LRRTM3: variants seen among roughly 807,000 people sequenced by gnomAD.
The protein encoded by LRRTM3 is leucine rich repeat transmembrane neuronal 3, also known as leucine-rich repeat transmembrane neuronal protein 3.
LRRTM3 carries 24 observed loss-of-function variants against 44.7 expected under a neutral mutation model. The ratio of observed to expected loss-of-function variants is 0.54; its 90% CI spans 0.39 to 0.76. The LOEUF (loss-of-function observed/expected upper bound fraction) is 0.76. LRRTM3 is among the 30% of genes least tolerant of loss of function. The probability of loss-of-function intolerance (pLI) is 0.00; values close to 1 mark genes in which losing one functional copy is unlikely to be tolerated. For missense variants in LRRTM3, 587 were observed against 702.2 expected (o/e 0.84, Z 1.85); for synonymous variants, 277 against 278.7 (o/e 0.99, Z 0.06).
intron 2 of LRRTM3, among the ~76,000 whole-genome samples, chr10:66,941,520 T>C (rs558230475): frequency 1.3e-5 from 2 of 152,242 alleles, no homozygotes; most frequent in East Asian, 1.9e-4. Flanking sequence ...TTCAACTGTA[T>C]GGAATTTGAA....
intron 2 of LRRTM3, among the ~76,000 whole-genome samples, chr10:67,009,290 G>A (rs1030036044): frequency 2.0e-5 from 3 of 151,248 alleles, no homozygotes; most frequent in African/African-American, 7.3e-5. Flanking sequence ...CATAATAAAT[G>A]TTGTGTTTTT....
At chr10:66,978,552 A>AAAAAAAATAT in intron 2 of LRRTM3, among the ~76,000 whole-genome samples, 2 of 37,882 alleles carry the variant, frequency 5.3e-5, no homozygotes, top group Non-Finnish European at 9.7e-5. Context: ...AAAAAAAAAA[A>AAAAAAAATAT]ATATATATAT....
intron 2 of LRRTM3, among the ~76,000 whole-genome samples, chr10:66,939,061 C>A (rs1242708111): frequency 6.6e-6 from 1 of 152,170 alleles, no homozygotes; most frequent in Non-Finnish European, 1.5e-5. Flanking sequence ...CAAGGGAACA[C>A]CCTACGCTAT....
intron 2 of LRRTM3, among the ~76,000 whole-genome samples, chr10:67,028,466 G>A (rs1231941303): frequency 6.6e-6 from 1 of 151,808 alleles, no homozygotes; most frequent in East Asian, 1.9e-4. Context: ...AATCTAGAAG[G>A]TAGTACTTGA....
At chr10:66,942,771 C>G (rs1231010255) in intron 2 of LRRTM3, among the ~76,000 whole-genome samples, 3 of 152,102 alleles carry the variant, frequency 2.0e-5, no homozygotes, top group Non-Finnish European at 2.9e-5. Context: ...GGTCTGAGAA[C>G]TTAGTAACTA....
At chr10:66,970,204 T>C (rs1201496271) in intron 2 of LRRTM3, among the ~76,000 whole-genome samples, 1 of 152,078 alleles carries the variant, frequency 6.6e-6, no homozygotes, top group Non-Finnish European at 1.5e-5. Flanking sequence ...GCAAGGTCAG[T>C]TGTGGTAAGA....
chr10:67,012,658 C>T (rs1852410363), intron 2 of LRRTM3, among the ~76,000 whole-genome samples: 1 of 152,218 alleles, frequency 6.6e-6, no homozygotes, highest in African/African-American at 2.4e-5. Flanking sequence ...GAACCCTGTC[C>T]ATTGTGCCCT....
At chr10:66,987,184 A>G (rs1342984442) in intron 2 of LRRTM3, among the ~76,000 whole-genome samples, 1 of 152,184 alleles carries the variant, frequency 6.6e-6, no homozygotes, top group African/African-American at 2.4e-5. Context: ...ACTAAGGGAG[A>G]GGGAAGCAGA....
intron 2 of LRRTM3, among the ~76,000 whole-genome samples, chr10:67,082,900 GC>G (rs1374479139): frequency 6.6e-6 from 1 of 152,090 alleles, no homozygotes; most frequent in Non-Finnish European, 1.5e-5. Flanking sequence ...TTGACTAGAA[GC>G]CACCCACCTC....
chr10:66,928,178 T>C lies in LRRTM3; in HGVS notation c.1262T>C (p.Ile421Thr), dbSNP rs766305621. 6.2e-7 allele frequency: 1 copy of C among 1,614,108 alleles called. No homozygotes were observed. The highest frequency in any genetic ancestry group is 8.5e-7 in the Non-Finnish European group (1 of 1,180,042). ...GAGCACATCTCTTTCCATAAAATCA[T>C]CGCGGGCAGCGTGGCGCTTTTCCTG... ...DAEHISFHKI[I>T]AGSVALFLSV... Residue 421 changes from isoleucine to threonine, a missense_variant, in exon 2 of 3, where the codon ATC becomes ACC. This residue lies in a region of LRRTM3 where 315 missense variants were observed against 335.6 expected (regional missense o/e 0.94). Coordinates refer to ENST00000361320, the MANE Select transcript of LRRTM3 (RefSeq NM_178011.5).
Position 66,926,271 on chromosome 10 carries a change from T to A in LRRTM3, c.-313T>A. 2.0e-6 allele frequency: 1 copy of A among 489,366 alleles called. No homozygotes were observed. The highest frequency in any genetic ancestry group is 3.8e-6 in the Non-Finnish European group (1 of 266,128). 30.3% of individuals were successfully genotyped at this position (489,366 alleles called of 1,614,324 possible). ...AAATTGTAGGATCCAGTTTTTTTTTTAACCGCCCCCTCCCCACCCCCCAAA... is the reference window on the plus strand; with the variant it reads ...AAATTGTAGGATCCAGTTTTTTTTTAAACCGCCCCCTCCCCACCCCCCAAA... On this transcript the variant is annotated 5_prime_UTR_variant, in exon 1 of 3. Transcript: ENST00000361320.
chr10:66,939,624 T>C (rs1261497454), intron 2 of LRRTM3, among the ~76,000 whole-genome samples: 1 of 152,204 alleles, frequency 6.6e-6, no homozygotes, highest in East Asian at 1.9e-4. Context: ...AATTACAATT[T>C]GTAAGGTAGG....
intron 2 of LRRTM3, among the ~76,000 whole-genome samples, chr10:66,962,680 G>A (rs1020665810): frequency 6.6e-6 from 1 of 151,856 alleles, no homozygotes; most frequent in Non-Finnish European, 1.5e-5. Context: ...CAAAGTGCTG[G>A]GATTACAGGC....
At chr10:67,029,856 C>A (rs2133105296) in intron 2 of LRRTM3, among the ~76,000 whole-genome samples, 1 of 152,244 alleles carries the variant, frequency 6.6e-6, no homozygotes, top group African/African-American at 2.4e-5. Flanking sequence ...ACACTAAAAA[C>A]CATTCTAAAT....
At chr10:67,000,414 G>A (rs966603886) in intron 2 of LRRTM3, among the ~76,000 whole-genome samples, 2 of 152,084 alleles carry the variant, frequency 1.3e-5, no homozygotes, top group African/African-American at 2.4e-5. Context: ...AAATGAAACC[G>A]ATCTACTTAT....
chr10:67,065,949 AAT>A (rs1564866953), intron 2 of LRRTM3, among the ~76,000 whole-genome samples: 2 of 152,118 alleles, frequency 1.3e-5, no homozygotes, highest in African/African-American at 2.4e-5. Context: ...AAAAAAAAAA[AAT>A]ATGCCACCAA....
intron 2 of LRRTM3, among the ~76,000 whole-genome samples, chr10:66,975,737 A>G (rs533494320): frequency 6.6e-6 from 1 of 152,156 alleles, no homozygotes; most frequent in African/African-American, 2.4e-5. Flanking sequence ...CAGACACAGT[A>G]TTTCTGCTCT....
intron 2 of LRRTM3, among the ~76,000 whole-genome samples, chr10:67,038,244 T>TA (rs894446367): frequency 3.3e-5 from 5 of 152,128 alleles, no homozygotes; most frequent in African/African-American, 7.2e-5. Flanking sequence ...TTAGCCATTC[T>TA]AAAAAAATCT....
intron 2 of LRRTM3, among the ~76,000 whole-genome samples, chr10:66,986,717 G>A (rs1850748399): frequency 6.6e-6 from 1 of 151,974 alleles, no homozygotes. Context: ...AGGCTAATCA[G>A]GTTGATTTAT....
Sources: gnomAD v4.1 joint callset for allele counts (sites outside exome capture counted in the v4.1 genomes callset) on GRCh38, gnomAD v4.1.1 for gene constraint, gnomAD v4.1.1 regional missense constraint, MANE v1.5 for transcripts, NCBI Gene and HGNC (gene_info 2026-07-23, HGNC 2026-07-21) for gene names.